PLCB1: variants seen among roughly 807,000 people sequenced by gnomAD.
The protein encoded by PLCB1 is phospholipase C beta 1.
PLCB1 carries 46 observed loss-of-function variants against 161.8 expected under a neutral mutation model. The observed-to-expected ratio is 0.28, with a 90% CI of 0.22 to 0.36. The LOEUF (loss-of-function observed/expected upper bound fraction) is 0.36, where lower values mean the gene tolerates loss of function less well. PLCB1 is among the 10% of genes least tolerant of loss of function. PLCB1 has a pLI of 1.00. For synonymous variants in PLCB1, 517 were observed against 503.7 expected, an observed-to-expected ratio of 1.03 and a Z score of -0.35; for missense variants, 1,016 against 1,472.5, an observed-to-expected ratio of 0.69 and a Z score of 5.07.
chr20:8,546,178 G>C (rs979981934), intron 3 of PLCB1, among the ~76,000 whole-genome samples: 1 of 105,676 alleles, frequency 9.5e-6, no homozygotes, highest in African/African-American at 3.9e-5. Context: ...AGCTGGGCAT[G>C]GTGGCGTATC....
At chr20:8,196,738 A>G (rs146570809) in intron 2 of PLCB1, among the ~76,000 whole-genome samples, 6,027 of 151,930 alleles carry the variant, frequency 0.04, 349 homozygotes, top group African/African-American at 0.12. Context: ...TTACATACGT[A>G]TACATGTGCC....
At chr20:8,502,735 T>C (rs183991853) in intron 3 of PLCB1, among the ~76,000 whole-genome samples, 23 of 152,322 alleles carry the variant, frequency 1.5e-4, no homozygotes, top group African/African-American at 5.1e-4. Flanking sequence ...TTTGCAGAAT[T>C]CTTCGAAAAT....
chr20:8,412,842 G>A (rs1979101834), intron 3 of PLCB1, among the ~76,000 whole-genome samples: 2 of 151,904 alleles, frequency 1.3e-5, no homozygotes, highest in Non-Finnish European at 2.9e-5. Flanking sequence ...ACAACATGGA[G>A]GAAACACAGC....
At chr20:8,845,593 A>G (rs1352858126) in intron 31 of PLCB1, among the ~76,000 whole-genome samples, 1 of 152,216 alleles carries the variant, frequency 6.6e-6, no homozygotes, top group Non-Finnish European at 1.5e-5. Flanking sequence ...AGAAAGTTCT[A>G]TTGGGTCGGG....
intron 4 of PLCB1, among the ~76,000 whole-genome samples, chr20:8,644,545 G>C (rs1387802241): frequency 6.6e-6 from 1 of 150,440 alleles, no homozygotes; most frequent in African/African-American, 2.4e-5. Context: ...GAAGTGAGGA[G>C]ACCCTCCGCC....
intron 31 of PLCB1, among the ~76,000 whole-genome samples, chr20:8,829,035 T>C (rs1985851835): frequency 1.3e-5 from 2 of 152,162 alleles, no homozygotes; most frequent in Middle Eastern, 3.2e-3. Context: ...GATATAGACA[T>C]ATGCTAAAGC....
intron 3 of PLCB1, among the ~76,000 whole-genome samples, chr20:8,600,416 G>T (rs1317010623): frequency 1.6e-4 from 23 of 142,378 alleles, no homozygotes; most frequent in Admixed American, 6.9e-4. Context: ...CTGCTCGGGG[G>T]TCAGGGGTCA....
At chr20:8,350,467 A>G (rs1328044627) in intron 2 of PLCB1, among the ~76,000 whole-genome samples, 1 of 152,208 alleles carries the variant, frequency 6.6e-6, no homozygotes, top group African/African-American at 2.4e-5. Flanking sequence ...TATATGTGCC[A>G]CATTTTCTTC....
At chr20:8,469,415 T>G (rs940259700) in intron 3 of PLCB1, among the ~76,000 whole-genome samples, 3 of 152,186 alleles carry the variant, frequency 2.0e-5, no homozygotes, top group Admixed American at 6.5e-5. Context: ...CCTAGTCGTG[T>G]TATTCTCACA....
chr20:8,689,169 C>T (rs1990419928), intron 10 of PLCB1, among the ~76,000 whole-genome samples: 2 of 151,402 alleles, frequency 1.3e-5, no homozygotes, highest in African/African-American at 4.9e-5. Context: ...TATAAAAGAG[C>T]TACTGATTTG....
chr20:8,359,370 A>G (rs1270467554), intron 2 of PLCB1, among the ~76,000 whole-genome samples: 1 of 152,126 alleles, frequency 6.6e-6, no homozygotes, highest in Non-Finnish European at 1.5e-5. Flanking sequence ...TATTATTTTA[A>G]TGAAAGGAAA....
At chr20:8,440,851 T>G (rs1371898887) in intron 3 of PLCB1, among the ~76,000 whole-genome samples, 1 of 151,926 alleles carries the variant, frequency 6.6e-6, no homozygotes, top group Non-Finnish European at 1.5e-5. Flanking sequence ...TATATATATA[T>G]ATATGATAAT....
intron 31 of PLCB1, among the ~76,000 whole-genome samples, chr20:8,846,818 C>T (rs999837202): frequency 2.6e-5 from 4 of 152,158 alleles, no homozygotes; most frequent in Admixed American, 6.6e-5. Context: ...CATACATGGT[C>T]CATACAAAAG....
rs182305275 is a variant in PLCB1 at position 8,371,707 on chromosome 20, G to A, written c.246+257G>A. ...GAAAAAAAAAGACAACGACAACAAT[G>A]CCCAAGTTACTGGGTAATTCTAAAT... On this transcript the variant is annotated intron_variant, in intron 3 of 31. Coordinates refer to ENST00000338037, the MANE Select transcript of PLCB1 (RefSeq NM_015192.4). 511 of 370,122 alleles carry A rather than the reference G, an allele frequency of 1.4e-3. 10 individuals carry two copies. The South Asian group carries it at 0.034, about 25-fold the overall frequency. The allele number at this position is 370,122 out of a possible 1,614,324, so 22.9% of individuals were successfully genotyped here. A position where few individuals can be genotyped will look rare whatever the true frequency, so the allele number is the denominator to read the frequency against.
chr20:8,485,520 T>C (rs925557800), intron 3 of PLCB1, among the ~76,000 whole-genome samples: 1 of 152,246 alleles, frequency 6.6e-6, no homozygotes, highest in African/African-American at 2.4e-5. Flanking sequence ...TTTAGTGATG[T>C]TAATGCTATT....
intron 3 of PLCB1, among the ~76,000 whole-genome samples, chr20:8,562,811 A>T (rs1323364042): frequency 6.6e-6 from 1 of 152,122 alleles, no homozygotes; most frequent in Non-Finnish European, 1.5e-5. Flanking sequence ...AATATTTCTA[A>T]TCTCAAATTA....
At chr20:8,649,604 A>G (rs560905228) in intron 7 of PLCB1, 155 bp downstream of exon 7, 8 of 612,144 alleles carry the variant, frequency 1.3e-5, no homozygotes, top group Middle Eastern at 4.1e-4. Flanking sequence ...ATGGATTATC[A>G]TCGGAGAGGA....
At chr20:8,518,728 A>G (rs931452511) in intron 3 of PLCB1, among the ~76,000 whole-genome samples, 2 of 152,098 alleles carry the variant, frequency 1.3e-5, no homozygotes, top group Admixed American at 1.3e-4. Flanking sequence ...CGAGTGCATT[A>G]AATTTATTGT....
At chr20:8,436,210 C>G (rs915061181) in intron 3 of PLCB1, among the ~76,000 whole-genome samples, 1 of 151,880 alleles carries the variant, frequency 6.6e-6, no homozygotes, top group Non-Finnish European at 1.5e-5. Context: ...GGTTAATTAG[C>G]CCTGCTACTT....
Sources: allele counts gnomAD v4.1 joint callset (sites outside exome capture counted in the v4.1 genomes callset), GRCh38; gene constraint gnomAD v4.1.1; transcripts MANE v1.5; gene names NCBI Gene and HGNC (gene_info 2026-07-23, HGNC 2026-07-21).